Variants in OR4F3 observed in about 807,000 individuals in gnomAD.
The protein encoded by OR4F3 is olfactory receptor family 4 subfamily F member 3, also known as olfactory receptor 4F3/4F16/4F29.
the OR4F3 span, among the ~76,000 whole-genome samples, chr5:181,357,215 A>G: frequency 1.7e-4 from 23 of 135,106 alleles, no homozygotes; most frequent in African/African-American, 6.5e-4. Flanking sequence ...ATAATATTTA[A>G]TCACCCATAA....
chr5:181,358,292 T>A, the OR4F3 span, among the ~76,000 whole-genome samples: 1 of 132,120 alleles, frequency 7.6e-6, no homozygotes, highest in Non-Finnish European at 1.6e-5. Flanking sequence ...ACAATTATTA[T>A]AAATAATTAT....
the OR4F3 span, among the ~76,000 whole-genome samples, chr5:181,359,619 C>T: frequency 8.5e-5 from 11 of 128,942 alleles, 2 homozygotes; most frequent in South Asian, 4.9e-4. Flanking sequence ...TTGGCTATCC[C>T]GGGAAAACCA....
the OR4F3 span, among the ~76,000 whole-genome samples, chr5:181,359,555 T>A: frequency 2.5e-5 from 3 of 119,010 alleles, no homozygotes; most frequent in Non-Finnish European, 4.9e-5. Flanking sequence ...AAGGCCTTTT[T>A]TGTCATAAGA....
At chr5:181,359,216 A>G in the OR4F3 span, among the ~76,000 whole-genome samples, 1 of 119,258 alleles carries the variant, frequency 8.4e-6, no homozygotes, top group Non-Finnish European at 1.7e-5. Flanking sequence ...TAGATAATAA[A>G]TAATTTGTTT....
At chr5:181,358,341 T>A in the OR4F3 span, among the ~76,000 whole-genome samples, 33 of 132,276 alleles carry the variant, frequency 2.5e-4, 1 homozygote, top group African/African-American at 6.1e-4. Flanking sequence ...GATACTTGTG[T>A]AAGGATATTG....
upstream of OR4F3, among the ~76,000 whole-genome samples, chr5:181,363,885 T>G (rs1761092370): frequency 1.2e-5 from 1 of 84,942 alleles, no homozygotes; most frequent in African/African-American, 8.5e-5. Context: ...CCCCGTTAAA[T>G]GCAACCCAAT....
At chr5:181,362,431 C>T (rs1238895125), upstream of OR4F3, among the ~76,000 whole-genome samples, 1 of 122,296 alleles carries the variant, frequency 8.2e-6, no homozygotes, top group Non-Finnish European at 1.6e-5. Context: ...GATTATGGGG[C>T]TTACCATCAA....
At chr5:181,356,648 C>T in the OR4F3 span, among the ~76,000 whole-genome samples, 1 of 137,572 alleles carries the variant, frequency 7.3e-6, no homozygotes, top group African/African-American at 2.9e-5. Flanking sequence ...ACTCAGTTAA[C>T]TGCTGTTTAC....
upstream of OR4F3, among the ~76,000 whole-genome samples, chr5:181,362,455 C>T (rs867349318): frequency 3.1e-4 from 38 of 123,126 alleles, no homozygotes; most frequent in African/African-American, 1.3e-3. Context: ...AAGGGCGTAG[C>T]GTGGTCAGAG....
At chr5:181,358,576 C>G in the OR4F3 span, among the ~76,000 whole-genome samples, 366 of 83,074 alleles carry the variant, frequency 4.4e-3, 19 homozygotes, top group Middle Eastern at 0.031. Context: ...CATCTTTTTG[C>G]CTTCTTTCAT....
chr5:181,356,666 A>G, the OR4F3 span, among the ~76,000 whole-genome samples: 11 of 138,222 alleles, frequency 8.0e-5, 1 homozygote, highest in South Asian at 2.1e-3. Flanking sequence ...TACCCTTTAG[A>G]TCTCAGCTCC....
At chr5:181,363,917 AAAT>A (rs1761092933), upstream of OR4F3, among the ~76,000 whole-genome samples, 1 of 79,512 alleles carries the variant, frequency 1.3e-5, no homozygotes, top group Non-Finnish European at 2.2e-5. Flanking sequence ...TAGCATCCCC[AAAT>A]GAGTGTGTTA....
upstream of OR4F3, among the ~76,000 whole-genome samples, chr5:181,363,877 C>T (rs1761092197): frequency 2.3e-5 from 2 of 86,172 alleles, 1 homozygote; most frequent in Admixed American, 2.0e-4. Flanking sequence ...TTTCTCTCCC[C>T]CGTTAAATGC....
chr5:181,362,585 A>G (rs1347806465), upstream of OR4F3, among the ~76,000 whole-genome samples: 9 of 120,960 alleles, frequency 7.4e-5, 1 homozygote, highest in Admixed American at 6.7e-4. Context: ...AAGTGTAGAC[A>G]TGAGAGGTTT....
the OR4F3 span, among the ~76,000 whole-genome samples, chr5:181,356,155 TTGG>T: frequency 1.4e-5 from 1 of 69,722 alleles, no homozygotes; most frequent in Non-Finnish European, 2.9e-5. Flanking sequence ...AACCATTGGA[TTGG>T]TGGCTCTGGA....
the OR4F3 span, among the ~76,000 whole-genome samples, chr5:181,356,566 G>A: frequency 7.5e-6 from 1 of 132,746 alleles, no homozygotes; most frequent in Non-Finnish European, 1.6e-5. Context: ...GTGGTTTCAG[G>A]CACAACTCCC....
At chr5:181,357,128 C>T in the OR4F3 span, among the ~76,000 whole-genome samples, 2 of 134,350 alleles carry the variant, frequency 1.5e-5, 1 homozygote, top group Admixed American at 1.4e-4. Flanking sequence ...ACCCACTTTC[C>T]TCTCCCACCT....
the OR4F3 span, among the ~76,000 whole-genome samples, chr5:181,356,281 TTATC>T: frequency 1.0e-5 from 1 of 95,936 alleles, no homozygotes; most frequent in African/African-American, 4.9e-5. Context: ...TATGACAAAT[TTATC>T]TACTTATTTC....
chr5:181,362,525 A>T (rs1004296652), upstream of OR4F3, among the ~76,000 whole-genome samples: 4 of 124,692 alleles, frequency 3.2e-5, 1 homozygote, highest in Non-Finnish European at 6.5e-5. Flanking sequence ...ACCTAGGAGC[A>T]ATTTTTTTTT....
Sources: gnomAD v4.1 joint callset for allele counts (sites outside exome capture counted in the v4.1 genomes callset) on GRCh38, gnomAD v4.1.1 for gene constraint, MANE v1.5 for transcripts, NCBI Gene and HGNC (gene_info 2026-07-23, HGNC 2026-07-21) for gene names.